TIAM1: variants seen among roughly 807,000 people sequenced by gnomAD.
TIAM1 encodes TIAM Rac1 associated GEF 1, also known as rho guanine nucleotide exchange factor TIAM1.
A neutral mutation model predicts 163.5 loss-of-function variants in TIAM1; 65 were observed. The ratio of observed to expected loss-of-function variants is 0.40; its 90% CI spans 0.33 to 0.49. The LOEUF (loss-of-function observed/expected upper bound fraction) is 0.49, where lower values mean the gene tolerates loss of function less well. TIAM1 is among the 20% of genes least tolerant of loss of function. The pLI, the probability that TIAM1 is intolerant of heterozygous loss-of-function variation, is 0.77. For synonymous variants in TIAM1, 833 were observed against 810.1 expected, an observed-to-expected ratio of 1.03 and a Z score of -0.48; for missense variants, 1,789 against 2,044.7, an observed-to-expected ratio of 0.87 and a Z score of 2.41.
chr21:31,396,736 G>C lies in TIAM1; in HGVS notation c.-368-57314C>G, dbSNP rs559124714. ...AGGCCAAGGTGGGCGGATCACTTGA[G>C]GTCAGGAGCTCAAGACCAGCCTGGC... On this transcript the variant is annotated intron_variant, in intron 2 of 28. Transcript: ENST00000286827. 5.3e-5 allele frequency among the ~76,000 whole-genome samples: 8 copies of C among 151,834 alleles called. 1 individual carries two copies. In the South Asian group the frequency reaches 8.3e-4, roughly 16 times the overall value.
chr21:31,378,123 C>T (rs890816213), intron 2 of TIAM1, among the ~76,000 whole-genome samples: 7 of 119,174 alleles, frequency 5.9e-5, no homozygotes, highest in African/African-American at 6.9e-5. Context: ...GTAACAAGAG[C>T]GAAACTCTGT....
chr21:31,181,756 C>CTTTTTTTTTT lies in TIAM1; in HGVS notation c.2887+655_2887+664dup, dbSNP rs781153297. On this transcript the variant is annotated intron_variant, in intron 15 of 27. Transcript: ENST00000541036. The stretch of plus-strand genomic sequence containing the variant: ...CCCAGCACTTCTTCTTCTTCTTCTT[C>CTTTTTTTTTT]TTTTTTTTTTTTTTTTTTTTTTTTT... 2.4e-4 allele frequency among the ~76,000 whole-genome samples: 10 copies of CTTTTTTTTTT among 41,342 alleles called. 3 individuals are homozygous for CTTTTTTTTTT. Among genetic ancestry groups the CTTTTTTTTTT allele is most frequent in the Non-Finnish European group, 3.2e-4 (6 of 18,802 alleles). 27.1% of individuals were successfully genotyped at this position (41,342 alleles called of 152,430 possible). A position where few individuals can be genotyped will look rare whatever the true frequency, so the allele number is the denominator to read the frequency against.
intron 1 of TIAM1, among the ~76,000 whole-genome samples, chr21:31,476,680 A>T (rs1202577525): frequency 6.6e-6 from 1 of 152,112 alleles, no homozygotes; most frequent in East Asian, 1.9e-4. Context: ...GCACGGAGGG[A>T]CGCCATGAGC....
At chr21:31,144,830 GAAAAAAA>G (rs764835303) in intron 20 of TIAM1, among the ~76,000 whole-genome samples, 55 of 74,514 alleles carry the variant, frequency 7.4e-4, no homozygotes, top group South Asian at 1.8e-3. Flanking sequence ...CTCCATCTCA[GAAAAAAA>G]AAAAAAAAAA....
intron 1 of TIAM1, among the ~76,000 whole-genome samples, chr21:31,542,522 TTCTC>T (rs760231116): frequency 6.6e-6 from 1 of 152,128 alleles, no homozygotes; most frequent in Non-Finnish European, 1.5e-5. Context: ...GGAACTCAGC[TTCTC>T]TCTATTTCTA....
intron 12 of TIAM1, 45 bp from the exon 13 acceptor site, chr21:31,195,350 AACTT>A (rs1189840697): frequency 1.5e-6 from 2 of 1,368,444 alleles, no homozygotes; most frequent in South Asian, 2.5e-5. Flanking sequence ...CATTATAACT[AACTT>A]TTAAAAATGG....
At chr21:31,297,781 T>C (rs563528584) in intron 2 of TIAM1, among the ~76,000 whole-genome samples, 2 of 152,122 alleles carry the variant, frequency 1.3e-5, no homozygotes, top group African/African-American at 4.8e-5. Context: ...CCCAAAAATA[T>C]GATATAATGC....
At chr21:31,169,294 A>AAATAATAATAATAAT (rs146494866) in intron 15 of TIAM1, among the ~76,000 whole-genome samples, 5 of 150,938 alleles carry the variant, frequency 3.3e-5, no homozygotes, top group African/African-American at 1.2e-4. Context: ...ACTCCGTCTC[A>AAATAATAATAATAAT]AATAATAATA....
chr21:31,130,061 TAG>T, intron 25 of TIAM1, 150 bp downstream of exon 25: 1 of 573,726 alleles, frequency 1.7e-6, no homozygotes, highest in Non-Finnish European at 3.0e-6. Context: ...TAAGAGGCAA[TAG>T]AGAGACCGAG....
chr21:31,423,515 C>T (rs1047996324), intron 2 of TIAM1, among the ~76,000 whole-genome samples: 2 of 151,064 alleles, frequency 1.3e-5, no homozygotes, highest in Admixed American at 6.6e-5. Context: ...AACTAGCACA[C>T]TTGTGATTAA....
intron 20 of TIAM1, among the ~76,000 whole-genome samples, chr21:31,144,703 C>T (rs1448163729): frequency 6.6e-6 from 1 of 151,706 alleles, no homozygotes; most frequent in Non-Finnish European, 1.5e-5. Flanking sequence ...GTGGCGTGCA[C>T]CTGTAATCCC....
At chr21:31,449,528 G>A (rs1013234026) in intron 2 of TIAM1, among the ~76,000 whole-genome samples, 11 of 151,502 alleles carry the variant, frequency 7.3e-5, no homozygotes, top group Admixed American at 2.6e-4. Context: ...ACAGTCATGC[G>A]CCACCACACC....
At chr21:31,224,138 TA>T (rs2087789016) in intron 7 of TIAM1, among the ~76,000 whole-genome samples, 1 of 152,108 alleles carries the variant, frequency 6.6e-6, no homozygotes, top group Non-Finnish European at 1.5e-5. Context: ...AGTGGCAAAA[TA>T]ATAACTACCT....
chr21:31,168,920 A>C (rs1277940685), intron 15 of TIAM1, among the ~76,000 whole-genome samples: 1 of 152,216 alleles, frequency 6.6e-6, no homozygotes, highest in African/African-American at 2.4e-5. Flanking sequence ...AATAACTGAC[A>C]AAATCAGGCC....
intron 3 of TIAM1, among the ~76,000 whole-genome samples, chr21:31,268,400 C>T (rs1408124608): frequency 6.6e-6 from 1 of 152,206 alleles, no homozygotes; most frequent in Non-Finnish European, 1.5e-5. Context: ...TCACATTGAT[C>T]CCAGACTTAC....
Position 31,217,607 on chromosome 21 carries a change from C to T in TIAM1, c.2088G>A (p.Leu696=), listed in dbSNP as rs1188897063. ...TTTTGGAGGTAGTATCCAGACCCCA[C>T]AGAGAAGAAAACCTGCTCCTTCGCT... The part of the protein sequence containing the change: ...ASKRRSRFSS[L]WGLDTTSKKK... The change falls in exon 9 of 28, where the codon CTG becomes CTA. Residue 696 remains leucine, a synonymous_variant. Transcript: ENST00000541036. The T allele has an allele frequency of 1.9e-6, 3 of 1,614,154 alleles. No homozygotes were observed. The highest frequency in any genetic ancestry group is 1.7e-5 in the Admixed American group (1 of 60,016).
chr21:31,457,665 T>C (rs184554567), intron 2 of TIAM1, among the ~76,000 whole-genome samples: 4 of 152,160 alleles, frequency 2.6e-5, no homozygotes, highest in African/African-American at 9.6e-5. Context: ...TCTTATACAT[T>C]AGCAAATCTC....
At chr21:31,408,959 G>A (rs1420848554) in intron 2 of TIAM1, among the ~76,000 whole-genome samples, 1 of 151,792 alleles carries the variant, frequency 6.6e-6, no homozygotes, top group African/African-American at 2.4e-5. Context: ...ACCGCTCTCA[G>A]CCACCGAAAC....
chr21:31,492,368 T>C (rs1385857588), intron 1 of TIAM1, among the ~76,000 whole-genome samples: 1 of 152,196 alleles, frequency 6.6e-6, no homozygotes, highest in Non-Finnish European at 1.5e-5. Flanking sequence ...ATGAAAGTCA[T>C]CCCTCTGCTC....
Sources: allele counts gnomAD v4.1 joint callset (sites outside exome capture counted in the v4.1 genomes callset), GRCh38; gene constraint gnomAD v4.1.1; transcripts MANE v1.5; gene names NCBI Gene and HGNC (gene_info 2026-07-23, HGNC 2026-07-21).